ADD2: variants seen among roughly 807,000 people sequenced by gnomAD.
ADD2 encodes beta-adducin.
ADD2 carries 23 observed loss-of-function variants against 83.0 expected under a neutral mutation model. The observed-to-expected ratio is 0.28, with a 90% CI of 0.20 to 0.39. The LOEUF (loss-of-function observed/expected upper bound fraction) is 0.39. Ranked by LOEUF, ADD2 falls within the 10% of genes least tolerant of loss-of-function variation. ADD2 has a pLI of 1.00. For missense variants in ADD2, 758 were observed against 944.9 expected, an observed-to-expected ratio of 0.80 and a Z score of 2.59; for synonymous variants, 375 against 375.4, an observed-to-expected ratio of 1.00 and a Z score of 0.01.
chr2:70,717,097 AG>A (rs1436970589), intron 1 of ADD2, among the ~76,000 whole-genome samples: 1 of 151,976 alleles, frequency 6.6e-6, no homozygotes, highest in Non-Finnish European at 1.5e-5. Context: ...CTCTGCACAG[AG>A]GAACCCAGGA....
intron 1 of ADD2, among the ~76,000 whole-genome samples, chr2:70,714,574 G>A (rs1445243886): frequency 1.3e-5 from 2 of 152,242 alleles, no homozygotes; most frequent in African/African-American, 2.4e-5. Context: ...GGAACAGGTT[G>A]CTTCTAAGAA....
At chr2:70,711,425 AC>A (rs1181421692) in intron 2 of ADD2, among the ~76,000 whole-genome samples, 4 of 150,600 alleles carry the variant, frequency 2.7e-5, no homozygotes, top group East Asian at 3.9e-4. Flanking sequence ...CAGCAGCTCC[AC>A]CCCCCACCAA....
intron 1 of ADD2, among the ~76,000 whole-genome samples, chr2:70,720,904 T>C (rs911238931): frequency 7.9e-5 from 12 of 152,074 alleles, no homozygotes; most frequent in African/African-American, 2.9e-4. Context: ...TTCTCCTCCC[T>C]TGCCTCCCTG....
intron 1 of ADD2, among the ~76,000 whole-genome samples, chr2:70,727,743 A>G (rs1673079862): frequency 6.6e-6 from 1 of 151,952 alleles, no homozygotes; most frequent in Non-Finnish European, 1.5e-5. Context: ...AAAATATACA[A>G]AAGTTAGCTG....
At chr2:70,688,839 G>A (rs782278569) in intron 8 of ADD2, among the ~76,000 whole-genome samples, 2 of 152,232 alleles carry the variant, frequency 1.3e-5, no homozygotes, top group African/African-American at 4.8e-5. Flanking sequence ...GGTCACGCCT[G>A]TAATCCCAGC....
rs782452813 is a variant in ADD2, at chr2:70,663,704, G to A, written c.1902C>T (p.Ala634=). 8 of 1,613,832 alleles carry A rather than the reference G, an allele frequency of 5.0e-6. No individual in the cohort carries two copies. The highest frequency in any genetic ancestry group is 1.3e-5 in the African/African-American group (1 of 74,882). The change falls in exon 16 of 16, where the codon GCC becomes GCT. Residue 634 remains alanine (A), a synonymous_variant. Coordinates refer to ENST00000264436, the MANE Select transcript of ADD2 (RefSeq NM_001617.4). ...EGTKKTETSK[A]ATTEPETTQP... ...GGGTTGTTTCGGGCTCTGTGGTGGC[G>A]GCTTTGCTTGTTTCTGTCTTCTTAG...
intron 15 of ADD2, among the ~76,000 whole-genome samples, chr2:70,665,314 C>T (rs1316739912): frequency 2.6e-5 from 4 of 152,168 alleles, no homozygotes; most frequent in Non-Finnish European, 5.9e-5. Flanking sequence ...ACTCCTGACA[C>T]TGCTGGGCAA....
At chr2:70,714,590 CTG>C (rs1161642417) in intron 1 of ADD2, among the ~76,000 whole-genome samples, 1 of 152,240 alleles carries the variant, frequency 6.6e-6, no homozygotes, top group Non-Finnish European at 1.5e-5. Flanking sequence ...AAGAATGAGA[CTG>C]TGCTCTGCAC....
At chr2:70,747,684 C>T (rs947188394) in intron 1 of ADD2, among the ~76,000 whole-genome samples, 7 of 152,226 alleles carry the variant, frequency 4.6e-5, no homozygotes, top group Admixed American at 1.3e-4. Context: ...AGAAACCCAT[C>T]CTGTCTTCTG....
intron 1 of ADD2, among the ~76,000 whole-genome samples, chr2:70,766,277 T>C (rs1675375658): frequency 6.6e-6 from 1 of 152,240 alleles, no homozygotes; most frequent in Non-Finnish European, 1.5e-5. Context: ...ATGAAAACTT[T>C]GCTTTTACTT....
In ADD2 at chr2:70,706,540, G is replaced by A; in HGVS notation, c.-34-98C>T. 1 of 1,129,540 alleles carries A rather than the reference G, an allele frequency of 8.9e-7. No homozygotes were observed. Among genetic ancestry groups the A allele is most frequent in the Non-Finnish European group, 1.2e-6 (1 of 814,486 alleles). 70.0% of individuals were successfully genotyped at this position (1,129,540 alleles called of 1,614,324 possible). ...GGCTAGGTTCAGTTGGATTCTCAGT[G>A]GGGTACGGCTGTTCCTAGGATGGTA... is the stretch of plus-strand genomic sequence containing the variant. On this transcript the variant is annotated intron_variant, in intron 2 of 15. Coordinates refer to ENST00000264436, the MANE Select transcript of ADD2 (RefSeq NM_001617.4). The surrounding 1 kb of genome is among the most constrained non-coding windows in gnomAD (Gnocchi z 5.0).
At position 70,706,576 on chromosome 2, in the gene ADD2, C is replaced by T; in HGVS notation, c.-34-134G>A. The T allele has an allele frequency of 3.6e-6, 3 of 826,040 alleles. No homozygotes were observed. The highest frequency in any genetic ancestry group is 5.4e-6 in the Non-Finnish European group (3 of 556,248). 51.2% of individuals were successfully genotyped at this position (826,040 alleles called of 1,614,324 possible). ...GTTCCTAGGATGGTAGAGGCAGAGC[C>T]TGGGGAGGAGGGCAGGACGCCAGCA... On this transcript the variant is annotated intron_variant, in intron 2 of 15. Coordinates refer to ENST00000264436, the MANE Select transcript of ADD2 (RefSeq NM_001617.4). The surrounding 1 kb of genome is among the most constrained non-coding windows in gnomAD (Gnocchi z 5.0).
chr2:70,749,981 A>C (rs782489945), intron 1 of ADD2, among the ~76,000 whole-genome samples: 2 of 152,212 alleles, frequency 1.3e-5, no homozygotes, highest in African/African-American at 2.4e-5. Flanking sequence ...CACAGACAAA[A>C]GACTTTCCTG....
chr2:70,735,504 A>G (rs1469152929), intron 1 of ADD2, among the ~76,000 whole-genome samples: 1 of 151,848 alleles, frequency 6.6e-6, no homozygotes, highest in Non-Finnish European at 1.5e-5. Flanking sequence ...AGCTACCTCC[A>G]TGCCTTTTTC....
At chr2:70,722,263 TA>T (rs1672765912) in intron 1 of ADD2, among the ~76,000 whole-genome samples, 1 of 152,166 alleles carries the variant, frequency 6.6e-6, no homozygotes, top group Non-Finnish European at 1.5e-5. Context: ...AATTCTAAGA[TA>T]TCTCTGATTG....
At chr2:70,664,081 G>A (rs1204543078) in intron 15 of ADD2, among the ~76,000 whole-genome samples, 1 of 152,224 alleles carries the variant, frequency 6.6e-6, no homozygotes, top group Non-Finnish European at 1.5e-5. Context: ...AGAGAAAGGA[G>A]AAGGCGTGAG....
At position 70,767,927 on chromosome 2, in the gene ADD2, G is replaced by A. The variant is rs1675493232; in HGVS notation, c.-195C>T. On this transcript the variant is annotated 5_prime_UTR_variant, in exon 1 of 16. Transcript: ENST00000264436. ...TAGCTATCTCCGGTCGGCCACTGCGGGTTGGTTTTGTTATTTTATGGGTTT... is the reference window on the plus strand; with the variant it reads ...TAGCTATCTCCGGTCGGCCACTGCGAGTTGGTTTTGTTATTTTATGGGTTT... The A allele has an allele frequency of 6.5e-7, 1 of 1,535,876 alleles. No individual in the cohort carries two copies. The highest frequency in any genetic ancestry group is 2.0e-5 in the Admixed American group (1 of 50,988).
chr2:70,766,087 C>T (rs1675365228), intron 1 of ADD2, among the ~76,000 whole-genome samples: 1 of 152,216 alleles, frequency 6.6e-6, no homozygotes, highest in African/African-American at 2.4e-5. Flanking sequence ...CTAGAAACCA[C>T]AGCATATCAT....
intron 4 of ADD2, among the ~76,000 whole-genome samples, chr2:70,704,100 G>A (rs556173508): frequency 7.2e-5 from 11 of 152,192 alleles, no homozygotes; most frequent in African/African-American, 2.6e-4. Flanking sequence ...TCTTATTCCT[G>A]GCATTGGGGT....
Sources: gnomAD v4.1 joint callset for allele counts (sites outside exome capture counted in the v4.1 genomes callset) on GRCh38, gnomAD v4.1.1 for gene constraint, Gnocchi (gnomAD v3.1) non-coding constraint, MANE v1.5 for transcripts, NCBI Gene and HGNC (gene_info 2026-07-23, HGNC 2026-07-21) for gene names.